ZNF365: variants seen among roughly 807,000 people sequenced by gnomAD.
ZNF365 encodes the protein zinc finger protein 365.
Under a neutral mutation model 35.0 loss-of-function variants are expected in ZNF365, and 22 were observed. That is an observed-to-expected ratio of 0.63 (90% CI 0.45 to 0.90). The LOEUF is 0.90. ZNF365 is among the 40% of genes least tolerant of loss of function. The pLI is 0.00. For synonymous variants in ZNF365, 188 were observed against 196.2 expected, an observed-to-expected ratio of 0.96 and a Z score of 0.35; for missense variants, 448 against 500.3, an observed-to-expected ratio of 0.90 and a Z score of 1.00.
intron 4 of ZNF365, among the ~76,000 whole-genome samples, chr10:62,399,160 G>T (rs1839780912): frequency 1.3e-5 from 2 of 152,172 alleles, no homozygotes; most frequent in Admixed American, 1.3e-4. Context: ...TCTATGCAGT[G>T]AATTTGTCTG....
chr10:62,385,612 A>G (rs1004702249), intron 2 of ZNF365, among the ~76,000 whole-genome samples: 1 of 152,186 alleles, frequency 6.6e-6, no homozygotes, highest in African/African-American at 2.4e-5. Context: ...ACAGGAAAAA[A>G]ATATACTGGA....
chr10:62,475,610 C>G (rs1841116877), intron 4 of ZNF365, among the ~76,000 whole-genome samples: 1 of 152,106 alleles, frequency 6.6e-6, no homozygotes, highest in South Asian at 2.1e-4. Flanking sequence ...AGCTTGCACT[C>G]TTTTCTCAAG....
At position 62,446,246 on chromosome 10, in the gene ZNF365, AT is replaced by A. The variant is rs779028871; in HGVS notation, c.925-13493del. Among the ~76,000 whole-genome samples, 14 of 152,232 alleles carry A rather than the reference AT, an allele frequency of 9.2e-5. No individual in the cohort carries two copies. In the East Asian group the frequency reaches 2.3e-3, roughly 25 times the overall value. ...GCTCCTGTGTGATCTTGGGAAGACA[AT>A]TCCCTTTAGAATTTCTTCAATTTCA... On this transcript the variant is annotated intron_variant, in intron 3 of 4. Transcript: ENST00000395255.
intron 4 of ZNF365, among the ~76,000 whole-genome samples, chr10:62,469,992 A>G (rs1391560903): frequency 1.3e-5 from 2 of 152,226 alleles, no homozygotes; most frequent in African/African-American, 4.8e-5. Context: ...TATATATTGT[A>G]TCATAATATT....
rs116617946 is a variant in ZNF365, at chr10:62,460,172, T to C, written c.981+375T>C. 4.6e-3 allele frequency among the ~76,000 whole-genome samples: 698 copies of C among 152,282 alleles called. 5 individuals carry two copies. The highest frequency in any genetic ancestry group is 0.016 in the African/African-American group (654 of 41,548). On this transcript the variant is annotated intron_variant, in intron 4 of 4. Coordinates refer to the ZNF365 transcript ENST00000395255. ...TGGAGGCTGTAACGATGGTTACAGT[T>C]CTTCTGTACATTGTGGCAGTCAGAC... is the stretch of plus-strand genomic sequence containing the variant.
intron 4 of ZNF365, among the ~76,000 whole-genome samples, chr10:62,460,754 G>A (rs1021900063): frequency 3.9e-5 from 6 of 152,254 alleles, no homozygotes; most frequent in East Asian, 3.9e-4. Flanking sequence ...GAGTTGAAAC[G>A]ACAATGTGGA....
intron 3 of ZNF365, among the ~76,000 whole-genome samples, chr10:62,443,970 T>G (rs1213233780): frequency 1.3e-5 from 2 of 152,202 alleles, no homozygotes; most frequent in African/African-American, 4.8e-5. Context: ...AAGGGGTACA[T>G]TCATCTGTTC....
intron 3 of ZNF365, among the ~76,000 whole-genome samples, chr10:62,422,462 G>A (rs1021384348): frequency 2.6e-5 from 4 of 152,074 alleles, no homozygotes; most frequent in Non-Finnish European, 5.9e-5. Flanking sequence ...CTAGACTAAA[G>A]GAGGCACTGC....
At chr10:62,402,686 C>A (rs1839848839), downstream of ZNF365, among the ~76,000 whole-genome samples, 1 of 110 alleles carries the variant, frequency 9.1e-3, no homozygotes, top group African/African-American at 0.038. Context: ...CATTAAAAGC[C>A]CCATTTGGCA....
At position 62,402,353 on chromosome 10, in the gene ZNF365, G is replaced by T. The variant is rs1839843219; in HGVS notation, c.*2564G>T. ...ACATTGTTTTCCAGTATTCTGCAGG[G>T]CCAGTCAGTTGTACAGAAGTTGGAA... On this transcript the variant is annotated 3_prime_UTR_variant, in exon 5 of 5. Coordinates refer to ENST00000395254, the MANE Select transcript of ZNF365 (RefSeq NM_014951.3). 1.0e-6 allele frequency: 1 copy of T among 985,370 alleles called. No individual in the cohort carries two copies. Among genetic ancestry groups the T allele is most frequent in the Non-Finnish European group, 1.2e-6 (1 of 829,918 alleles). 61.0% of individuals were successfully genotyped at this position (985,370 alleles called of 1,614,324 possible).
At chr10:62,468,263 A>G (rs996050876) in intron 4 of ZNF365, among the ~76,000 whole-genome samples, 3 of 152,234 alleles carry the variant, frequency 2.0e-5, no homozygotes, top group African/African-American at 4.8e-5. Flanking sequence ...CTATGTTTCT[A>G]TACTTCCATA....
intron 3 of ZNF365, among the ~76,000 whole-genome samples, chr10:62,425,306 A>T (rs116463456): frequency 0.011 from 1,670 of 152,284 alleles, 29 homozygotes; most frequent in African/African-American, 0.039. Context: ...TCTGTATAGC[A>T]ATTATGATTA....
At chr10:62,392,455 G>A (rs1007309725) in intron 3 of ZNF365, among the ~76,000 whole-genome samples, 1 of 152,128 alleles carries the variant, frequency 6.6e-6, no homozygotes, top group African/African-American at 2.4e-5. Flanking sequence ...TCTTCTACAC[G>A]TGGCTTGCCA....
chr10:62,412,054 C>G (rs7072561), intron 3 of ZNF365, among the ~76,000 whole-genome samples: 1 of 151,960 alleles, frequency 6.6e-6, no homozygotes, highest in Non-Finnish European at 1.5e-5. Flanking sequence ...ACTGGCAAAC[C>G]GAATCCAGCA....
At position 62,399,600 on chromosome 10, in the gene ZNF365, C is replaced by A; in HGVS notation, c.1035C>A (p.Asn345Lys). 1.2e-6 allele frequency: 2 copies of A among 1,614,146 alleles called. No individual in the cohort carries two copies. Among genetic ancestry groups the A allele is most frequent in the Non-Finnish European group, 1.7e-6 (2 of 1,180,040 alleles). Reference sequence around the variant, plus strand: ...CCCATTTCCACCCAAAGGGAAGGAACCACCTGAAAAAGGCCAAGGATGACA... The same window carrying A: ...CCCATTTCCACCCAAAGGGAAGGAAACACCTGAAAAAGGCCAAGGATGACA... ...LKAHFHPKGR[N>K]HLKKAKDDRA... is the part of the protein sequence containing the mutation. The change falls in exon 5 of 5, where the codon AAC becomes AAA. Residue 345 changes from asparagine to lysine, a missense_variant. Asn to Lys is a moderately conservative substitution (Grantham distance 94). Coordinates refer to ENST00000395254, the MANE Select transcript of ZNF365 (RefSeq NM_014951.3).
chr10:62,471,685 C>CA (rs1274625327), intron 4 of ZNF365, among the ~76,000 whole-genome samples: 1 of 152,064 alleles, frequency 6.6e-6, no homozygotes, highest in Non-Finnish European at 1.5e-5. Context: ...CATGGATGTA[C>CA]AAAAAAATCT....
At position 62,399,753 on chromosome 10, in the gene ZNF365, T is replaced by TA. The variant is rs751774089; in HGVS notation, c.1196dup (p.Pro400AlafsTer32). Reference sequence around the variant, plus strand: ...AAGGCAACATCAGGCCCAAAATGGCTAAAAAAAAGCCAACAGCCATTGTGA... The same window carrying TA: ...AAGGCAACATCAGGCCCAAAATGGCTAAAAAAAAAGCCAACAGCCATTGTGA... On this transcript the variant is annotated frameshift_variant, in exon 5 of 5. Transcript: ENST00000395254. LOFTEE classifies it high-confidence loss of function. The TA allele has an allele frequency of 3.9e-5, 63 of 1,612,976 alleles. No homozygotes were observed. Among genetic ancestry groups the TA allele is most frequent in the Middle Eastern group, 1.7e-4 (1 of 5,910 alleles).
intron 3 of ZNF365, chr10:62,459,667 G>A: frequency 6.7e-7 from 1 of 1,484,050 alleles, no homozygotes; most frequent in Non-Finnish European, 9.2e-7. Flanking sequence ...GGCACTGCTT[G>A]TAGTCTTGCT....
intron 1 of ZNF365, among the ~76,000 whole-genome samples, chr10:62,375,079 A>G (rs1839296231): frequency 6.6e-6 from 1 of 152,084 alleles, no homozygotes; most frequent in Non-Finnish European, 1.5e-5. Context: ...TTTTCACCCA[A>G]AGACCCCAGC....
Sources: allele counts gnomAD v4.1 joint callset (sites outside exome capture counted in the v4.1 genomes callset), GRCh38; gene constraint gnomAD v4.1.1; transcripts MANE v1.5; gene names NCBI Gene and HGNC (gene_info 2026-07-23, HGNC 2026-07-21).